TMEM65: variants seen among roughly 807,000 people sequenced by gnomAD.
The protein encoded by TMEM65 is transmembrane protein 65.
In TMEM65, 22 loss-of-function variants were observed where a neutral mutation model predicts 25.4. The ratio of observed to expected loss-of-function variants is 0.86; its 90% CI spans 0.62 to 1.23. TMEM65 has a LOEUF of 1.23. TMEM65 is among the 50% of genes most tolerant of loss of function. The pLI is 0.00. For synonymous variants in TMEM65, 132 were observed against 126.2 expected, an observed-to-expected ratio of 1.05 and a Z score of -0.31; for missense variants, 262 against 308.2, an observed-to-expected ratio of 0.85 and a Z score of 1.12.
intron 1 of TMEM65, among the ~76,000 whole-genome samples, chr8:124,370,616 T>C (rs1266303097): frequency 6.6e-6 from 1 of 152,188 alleles, no homozygotes; most frequent in Non-Finnish European, 1.5e-5. Flanking sequence ...TATAAATTGG[T>C]CCACAATTTC....
At chr8:124,316,673 A>G (rs1370407489) in intron 6 of TMEM65, among the ~76,000 whole-genome samples, 1 of 152,208 alleles carries the variant, frequency 6.6e-6, no homozygotes, top group Non-Finnish European at 1.5e-5. Flanking sequence ...AGAGAAAATG[A>G]ACCTGCTTTT....
chr8:124,348,357 T>C (rs887819395), intron 1 of TMEM65, among the ~76,000 whole-genome samples: 65 of 152,072 alleles, frequency 4.3e-4, no homozygotes, highest in African/African-American at 1.4e-3. Flanking sequence ...TCAACAACTA[T>C]ATATACTTCT....
At chr8:124,335,169 C>T (rs1814490007) in intron 1 of TMEM65, among the ~76,000 whole-genome samples, 1 of 152,050 alleles carries the variant, frequency 6.6e-6, no homozygotes, top group Non-Finnish European at 1.5e-5. Flanking sequence ...ATCTTGAAAG[C>T]AGTCAGAACT....
intron 6 of TMEM65, among the ~76,000 whole-genome samples, chr8:124,318,940 T>G (rs540285202): frequency 2.4e-4 from 36 of 152,268 alleles, no homozygotes; most frequent in South Asian, 4.1e-4. Context: ...TCCCTTTTTA[T>G]TCTCATAACA....
intron 1 of TMEM65, among the ~76,000 whole-genome samples, chr8:124,365,010 T>A (rs564515561): frequency 6.6e-6 from 1 of 152,336 alleles, no homozygotes; most frequent in Non-Finnish European, 1.5e-5. Context: ...CAATCTCCAC[T>A]AATAATGGCA....
At chr8:124,361,338 G>A (rs1202133332) in intron 1 of TMEM65, among the ~76,000 whole-genome samples, 1 of 151,932 alleles carries the variant, frequency 6.6e-6, no homozygotes, top group African/African-American at 2.4e-5. Context: ...CAGAGGCTGA[G>A]GCAGGAGAAT....
chr8:124,338,058 C>T (rs1037492970), intron 1 of TMEM65, among the ~76,000 whole-genome samples: 9 of 151,798 alleles, frequency 5.9e-5, no homozygotes, highest in African/African-American at 2.2e-4. Context: ...AACTTAAAAG[C>T]ATCCACAGTT....
intron 1 of TMEM65, among the ~76,000 whole-genome samples, chr8:124,351,703 C>T (rs1370450445): frequency 6.6e-6 from 1 of 152,116 alleles, no homozygotes; most frequent in Non-Finnish European, 1.5e-5. Flanking sequence ...GGTCACTTCC[C>T]CTGAAACGGC....
At chr8:124,333,612 T>C (rs1183472870) in intron 1 of TMEM65, among the ~76,000 whole-genome samples, 1 of 152,166 alleles carries the variant, frequency 6.6e-6, no homozygotes, top group Non-Finnish European at 1.5e-5. Context: ...CTTTCCATAA[T>C]GGCTGAGTAA....
In TMEM65 at chr8:124,372,690, G is replaced by A. The variant is rs561463654; in HGVS notation, c.-533C>T. ...CGCCGCCGCCGCCGCTACCCCTAGCGGCAGCAGAAGTGGGAACGGGGCGGG... is the reference window on the plus strand; with the variant it reads ...CGCCGCCGCCGCCGCTACCCCTAGCAGCAGCAGAAGTGGGAACGGGGCGGG... On this transcript the variant is annotated 5_prime_UTR_variant, in exon 1 of 7. Coordinates refer to ENST00000297632, the MANE Select transcript of TMEM65 (RefSeq NM_194291.3). 8 of 161,248 alleles carry A rather than the reference G, an allele frequency of 5.0e-5. No homozygotes were observed. In the East Asian group the frequency reaches 5.5e-4, roughly 11 times the overall value. The allele number at this position is 161,248 out of a possible 1,614,324, so 10.0% of individuals were successfully genotyped here.
intron 6 of TMEM65, among the ~76,000 whole-genome samples, chr8:124,315,511 C>A (rs897764330): frequency 6.6e-6 from 1 of 151,796 alleles, no homozygotes; most frequent in Non-Finnish European, 1.5e-5. Flanking sequence ...TTAGTAGAGC[C>A]GGGGTTTCAC....
At chr8:124,367,899 GCT>G (rs1410831916) in intron 1 of TMEM65, among the ~76,000 whole-genome samples, 1 of 152,186 alleles carries the variant, frequency 6.6e-6, no homozygotes, top group Non-Finnish European at 1.5e-5. Flanking sequence ...TAGAAAAACT[GCT>G]CTGTTCACCT....
In TMEM65 at chr8:124,322,089, A is replaced by G. The variant is rs374599291; in HGVS notation, c.515+16T>C. 1.8e-5 allele frequency: 28 copies of G among 1,599,074 alleles called. No individual in the cohort carries two copies. The highest frequency in any genetic ancestry group is 2.4e-5 in the Non-Finnish European group (28 of 1,170,060). ...GCAAGTACAGAATATACAAATGAAT[A>G]AGTGAATGAACCTACCCAAGTCCAG... On this transcript the variant is annotated intron_variant, in intron 5 of 6. Coordinates refer to ENST00000297632, the MANE Select transcript of TMEM65 (RefSeq NM_194291.3).
chr8:124,358,221 T>C (rs530609344), intron 1 of TMEM65, among the ~76,000 whole-genome samples: 1 of 152,212 alleles, frequency 6.6e-6, no homozygotes, highest in Non-Finnish European at 1.5e-5. Context: ...AAAATAGAGA[T>C]AATTCCTTCT....
At chr8:124,349,889 G>T (rs1297093864) in intron 1 of TMEM65, among the ~76,000 whole-genome samples, 1 of 151,916 alleles carries the variant, frequency 6.6e-6, no homozygotes, top group Non-Finnish European at 1.5e-5. Flanking sequence ...ATTCTTAATA[G>T]AATAAAATTT....
chr8:124,332,911 T>C (rs1045772186), intron 1 of TMEM65, among the ~76,000 whole-genome samples: 7 of 152,114 alleles, frequency 4.6e-5, no homozygotes, highest in African/African-American at 1.7e-4. Context: ...ATTTAAGCGA[T>C]TCTCCTGTTT....
At chr8:124,361,926 T>C (rs774859909) in intron 1 of TMEM65, among the ~76,000 whole-genome samples, 1 of 151,932 alleles carries the variant, frequency 6.6e-6, no homozygotes, top group Non-Finnish European at 1.5e-5. Flanking sequence ...GTTTCGCTCT[T>C]ATAGCCCAGG....
chr8:124,328,995 T>G (rs1041212579), intron 2 of TMEM65, among the ~76,000 whole-genome samples: 11 of 152,022 alleles, frequency 7.2e-5, no homozygotes, highest in Admixed American at 1.3e-4. Context: ...ATAAGAATAC[T>G]ATTATATTCA....
At chr8:124,346,509 T>C (rs1814642390) in intron 1 of TMEM65, among the ~76,000 whole-genome samples, 1 of 152,080 alleles carries the variant, frequency 6.6e-6, no homozygotes, top group African/African-American at 2.4e-5. Flanking sequence ...TAAAAAGCAA[T>C]ATAAAAATCA....
Sources: allele counts gnomAD v4.1 joint callset (sites outside exome capture counted in the v4.1 genomes callset), GRCh38; gene constraint gnomAD v4.1.1; transcripts MANE v1.5; gene names NCBI Gene and HGNC (gene_info 2026-07-23, HGNC 2026-07-21).